Variants in FREM1 observed in about 807,000 individuals in gnomAD.
FREM1 encodes FRAS1 related extracellular matrix 1, also known as FRAS1-related extracellular matrix protein 1.
A neutral mutation model predicts 210.1 loss-of-function variants in FREM1; 220 were observed. The observed-to-expected ratio is 1.05, with a 90% CI of 0.94 to 1.17. The LOEUF (loss-of-function observed/expected upper bound fraction) is 1.17, where lower values mean the gene tolerates loss of function less well. Among genes scored for constraint, FREM1 ranks in the 50% most tolerant of loss-of-function variants. The pLI is 0.00. For synonymous variants in FREM1, 1,189 were observed against 980.2 expected (o/e 1.21, Z -3.98); for missense variants, 3,454 against 2,675.5 (o/e 1.29, Z -6.42).
chr9:14,898,698 C>T (rs140667068), intron 1 of FREM1, among the ~76,000 whole-genome samples: 16 of 152,218 alleles, frequency 1.1e-4, no homozygotes, highest in African/African-American at 2.9e-4. Flanking sequence ...GCCAAGATCA[C>T]GCCACTACAT....
chr9:14,842,967 G>A (rs558579096), intron 8 of FREM1, among the ~76,000 whole-genome samples: 1 of 152,318 alleles, frequency 6.6e-6, no homozygotes, highest in African/African-American at 2.4e-5. Flanking sequence ...GCTAAGGAAT[G>A]CCCAGACAAC....
At chr9:14,834,392 A>G (rs1056177721) in intron 10 of FREM1, among the ~76,000 whole-genome samples, 3 of 152,152 alleles carry the variant, frequency 2.0e-5, no homozygotes, top group African/African-American at 7.2e-5. Flanking sequence ...TTAAGACACT[A>G]CTCTGTCCTT....
intron 2 of FREM1, among the ~76,000 whole-genome samples, chr9:14,864,980 G>T (rs965902122): frequency 2.0e-5 from 3 of 152,114 alleles, no homozygotes; most frequent in Admixed American, 6.6e-5. Context: ...AGAAACATCT[G>T]TTTTATGTTT....
chr9:14,772,148 G>T (rs1847682875), intron 25 of FREM1, among the ~76,000 whole-genome samples: 1 of 151,978 alleles, frequency 6.6e-6, no homozygotes, highest in South Asian at 2.1e-4. Context: ...TGATAAATAT[G>T]TGAAGAAACA....
intron 1 of FREM1, among the ~76,000 whole-genome samples, chr9:14,873,959 T>A (rs1390196211): frequency 1.3e-5 from 2 of 152,198 alleles, no homozygotes; most frequent in Non-Finnish European, 2.9e-5. Context: ...TTGTTCAGTT[T>A]CCATGTAGTT....
chr9:14,799,757 T>A (rs572709317), intron 20 of FREM1, among the ~76,000 whole-genome samples: 2 of 152,184 alleles, frequency 1.3e-5, no homozygotes, highest in African/African-American at 4.8e-5. Flanking sequence ...TTCTTTGCAA[T>A]TGATAAAAGC....
intron 35 of FREM1, among the ~76,000 whole-genome samples, chr9:14,741,390 T>C (rs2131890264): frequency 6.6e-6 from 1 of 152,370 alleles, no homozygotes; most frequent in East Asian, 1.9e-4. Context: ...TGCTGTCTGA[T>C]GCAATGATGA....
intron 36 of FREM1, among the ~76,000 whole-genome samples, chr9:14,739,453 T>TATATATATATATATATATATATAATTC (rs1430774560): frequency 2.5e-4 from 4 of 16,290 alleles, no homozygotes; most frequent in African/African-American, 4.3e-4. Context: ...ATTTGGAATA[T>TATATATATATATATATATATATAATTC]ATATATATAT....
rs1825987167 is a variant in FREM1 at position 14,843,204 on chromosome 9, C to G, written c.1394-544G>C. Among the ~76,000 whole-genome samples the G allele has an allele frequency of 2.6e-5, 4 of 152,194 alleles. No homozygotes were observed. The South Asian group carries it at 8.3e-4, about 32-fold the overall frequency. Reference sequence around the variant, plus strand: ...TTCCCTCTGACACTGGAGCTCCTGGCTCTTGGGCCTTTGAACTCTGGAACA... The same window carrying G: ...TTCCCTCTGACACTGGAGCTCCTGGGTCTTGGGCCTTTGAACTCTGGAACA... On this transcript the variant is annotated intron_variant, in intron 8 of 36. Coordinates refer to ENST00000380880, the MANE Select transcript of FREM1 (RefSeq NM_001379081.2).
At chr9:14,881,019 A>C (rs1476824677) in intron 1 of FREM1, among the ~76,000 whole-genome samples, 1 of 152,184 alleles carries the variant, frequency 6.6e-6, no homozygotes, top group Non-Finnish European at 1.5e-5. Context: ...CAAAATACAA[A>C]GGCACCGGTG....
At chr9:14,816,644 T>G in intron 15 of FREM1, 134 bp downstream of exon 15, 1 of 436,528 alleles carries the variant, frequency 2.3e-6, no homozygotes, top group Non-Finnish European at 3.9e-6. Flanking sequence ...CTACCCAATC[T>G]TAGACTTCCC....
chr9:14,904,000 T>C (rs1191148100), intron 1 of FREM1, among the ~76,000 whole-genome samples: 1 of 151,202 alleles, frequency 6.6e-6, no homozygotes, highest in African/African-American at 2.4e-5. Flanking sequence ...CAGGCGCCTG[T>C]AGTCCCAGCT....
intron 3 of FREM1, among the ~76,000 whole-genome samples, chr9:14,860,961 A>G (rs1331227486): frequency 9.5e-6 from 1 of 105,782 alleles, no homozygotes; most frequent in East Asian, 2.1e-4. Context: ...ATACACATAT[A>G]TACACATATA....
chr9:14,802,085 A>G (rs565884169), intron 19 of FREM1, among the ~76,000 whole-genome samples: 2 of 152,336 alleles, frequency 1.3e-5, no homozygotes, highest in Admixed American at 1.3e-4. Flanking sequence ...TTTTCTGAAG[A>G]TTTCAAAGCA....
Position 14,851,431 on chromosome 9 carries a change from G to C in FREM1, c.1005C>G (p.Asn335Lys), listed in dbSNP as rs1827732927. ...AGCCCTGGAGCGGGGCTTTAGTAATGTTGAACACCAGCAAGGGTTTAGGGG... is the reference window on the plus strand; with the variant it reads ...AGCCCTGGAGCGGGGCTTTAGTAATCTTGAACACCAGCAAGGGTTTAGGGG... The part of the protein sequence containing the change: ...DETPKPLLVF[N>K]ITKAPLQGYV... Residue 335 changes from asparagine to lysine, a missense_variant, in exon 6 of 37, where the codon AAC becomes AAG. Asn to Lys is a moderately conservative substitution (Grantham distance 94). Transcript: ENST00000380880. The C allele has an allele frequency of 6.2e-7, 1 of 1,613,986 alleles. No individual in the cohort carries two copies. The highest frequency in any genetic ancestry group is 8.5e-7 in the Non-Finnish European group (1 of 1,179,886).
At position 14,848,716 on chromosome 9, in the gene FREM1, T is replaced by C. The variant is rs1827126934; in HGVS notation, c.1210A>G (p.Ile404Val). ...TTTGTATCTGCTGTTCTGATGGAGA[T>C]GTGGACTGTCATAGGTGCACTCCTT... ...FERSAPMTVH[I>V]SIRTADTNAP... is the part of the protein sequence containing the mutation. The change falls in exon 7 of 37, where the codon ATC (isoleucine) becomes GTC (valine). Residue 404 changes from isoleucine (I) to valine (V), a missense_variant. Transcript: ENST00000380880. 3 of 1,613,276 alleles carry C rather than the reference T, an allele frequency of 1.9e-6. No homozygotes were observed. The highest frequency in any genetic ancestry group is 2.5e-6 in the Non-Finnish European group (3 of 1,179,400).
At chr9:14,797,427 C>CA in intron 21 of FREM1, 71 bp downstream of exon 21, 1 of 1,331,780 alleles carries the variant, frequency 7.5e-7, no homozygotes, top group Non-Finnish European at 1.0e-6. Flanking sequence ...CACACACACA[C>CA]CTGTACCTAG....
chr9:14,832,084 TG>T (rs1178904009), intron 10 of FREM1, among the ~76,000 whole-genome samples: 1 of 152,274 alleles, frequency 6.6e-6, no homozygotes, highest in Admixed American at 6.5e-5. Context: ...TTTGAAGCAC[TG>T]GGACTCCTTC....
At chr9:14,890,640 A>G (rs1187219613) in intron 1 of FREM1, among the ~76,000 whole-genome samples, 1 of 152,218 alleles carries the variant, frequency 6.6e-6, no homozygotes, top group Non-Finnish European at 1.5e-5. Context: ...GAGGGTATCT[A>G]AAACATTTCT....
Sources: allele counts gnomAD v4.1 joint callset (sites outside exome capture counted in the v4.1 genomes callset), GRCh38; gene constraint gnomAD v4.1.1; transcripts MANE v1.5; gene names NCBI Gene and HGNC (gene_info 2026-07-23, HGNC 2026-07-21).